The following WARS2 variants were observed in gnomAD, a reference collection of about 807,000 sequenced individuals.
WARS2 encodes the protein tryptophanyl tRNA synthetase 2, mitochondrial, also known as tryptophan--tRNA ligase, mitochondrial.
A neutral mutation model predicts 36.5 loss-of-function variants in WARS2; 28 were observed. The observed-to-expected ratio is 0.77, with a 90% CI of 0.57 to 1.05. The LOEUF is 1.05. Among genes scored for constraint, WARS2 ranks in the 50% least tolerant of loss-of-function variants. The pLI, the probability that WARS2 is intolerant of heterozygous loss-of-function variation, is 0.00. For missense variants in WARS2, 435 were observed against 456.8 expected (o/e 0.95, Z 0.44); for synonymous variants, 174 against 178.4 (o/e 0.98, Z 0.20).
rs137884076 is a variant in WARS2, at chr1:119,042,527, A to G, written c.430-178T>C. Among the ~76,000 whole-genome samples the G allele has an allele frequency of 3.5e-4, 53 of 152,222 alleles. No individual in the cohort carries two copies. In the East Asian group the frequency reaches 9.7e-3, roughly 28 times the overall value. Reference sequence around the variant, plus strand: ...GCCATCTTCTGGCTGGCTTGTCTTCATGCTCCAGGCTGAGGCAGGAATAAG... The same window carrying G: ...GCCATCTTCTGGCTGGCTTGTCTTCGTGCTCCAGGCTGAGGCAGGAATAAG... On this transcript the variant is annotated intron_variant, in intron 3 of 5. Coordinates refer to ENST00000235521, the MANE Select transcript of WARS2 (RefSeq NM_015836.4).
At chr1:119,125,349 C>T (rs1340252733) in intron 1 of WARS2, among the ~76,000 whole-genome samples, 2 of 152,186 alleles carry the variant, frequency 1.3e-5, no homozygotes, top group Non-Finnish European at 1.5e-5. Context: ...GTCCCCACCT[C>T]CTGATTCCTG....
intron 1 of WARS2, among the ~76,000 whole-genome samples, chr1:119,079,130 T>C (rs1651995480): frequency 6.6e-6 from 1 of 152,178 alleles, no homozygotes. Flanking sequence ...CACCATTTAT[T>C]GAAAAGACTG....
chr1:119,097,747 C>A (rs928014860), intron 1 of WARS2, among the ~76,000 whole-genome samples: 2 of 152,158 alleles, frequency 1.3e-5, no homozygotes, highest in East Asian at 1.9e-4. Context: ...ATCCCTAACA[C>A]CAACAGAGCG....
chr1:119,117,163 C>G (rs1032176818), intron 1 of WARS2, among the ~76,000 whole-genome samples: 1 of 152,116 alleles, frequency 6.6e-6, no homozygotes, highest in South Asian at 2.1e-4. Context: ...AGCTTTCCCC[C>G]ACTTGTCTGG....
chr1:119,047,243 A>G (rs1648932877), intron 2 of WARS2, among the ~76,000 whole-genome samples: 1 of 151,970 alleles, frequency 6.6e-6, no homozygotes, highest in Non-Finnish European at 1.5e-5. Context: ...AGAAGTAATA[A>G]AACAAGAGCT....
At chr1:119,061,690 A>C (rs1412174565) in intron 2 of WARS2, among the ~76,000 whole-genome samples, 1 of 152,084 alleles carries the variant, frequency 6.6e-6, no homozygotes. Context: ...CAGAAATGGT[A>C]GTAGAGAATC....
intron 2 of WARS2, among the ~76,000 whole-genome samples, chr1:119,059,675 T>C (rs1301424845): frequency 6.6e-6 from 1 of 152,224 alleles, no homozygotes; most frequent in Non-Finnish European, 1.5e-5. Flanking sequence ...GCCTTATACA[T>C]TTCAGATTCA....
chr1:119,139,862 T>C (rs768326144), intron 1 of WARS2: 2 of 152,132 alleles, frequency 1.3e-5, no homozygotes, highest in African/African-American at 2.4e-5. Flanking sequence ...TTTTTTGCTA[T>C]GAGGGTAAAA....
At chr1:119,127,087 C>G in intron 1 of WARS2, 1 of 752,744 alleles carries the variant, frequency 1.3e-6, no homozygotes, top group Non-Finnish European at 2.4e-6. Context: ...GTAAGACTCA[C>G]TTCAAGCACA....
At chr1:119,084,629 A>G (rs779243629) in intron 1 of WARS2, among the ~76,000 whole-genome samples, 6 of 152,214 alleles carry the variant, frequency 3.9e-5, no homozygotes, top group Non-Finnish European at 7.3e-5. Context: ...AGCTGTCCAA[A>G]CCGAGTAACT....
At chr1:119,081,298 A>G (rs12741640) in intron 1 of WARS2, among the ~76,000 whole-genome samples, 8,352 of 152,292 alleles carry the variant, frequency 0.055, 426 homozygotes, top group East Asian at 0.19. Flanking sequence ...TGTGATTAGG[A>G]GAGCTTCTGT....
intron 1 of WARS2, among the ~76,000 whole-genome samples, chr1:119,133,986 G>C (rs587652720): frequency 6.6e-6 from 1 of 151,980 alleles, no homozygotes; most frequent in South Asian, 2.1e-4. Context: ...TATTAAAATA[G>C]GATATTATTA....
chr1:119,085,959 A>T, intron 1 of WARS2: 1 of 1,609,812 alleles, frequency 6.2e-7, no homozygotes, highest in Non-Finnish European at 8.5e-7. Context: ...GTTCATCTCC[A>T]CGGGCCCAAA....
At chr1:119,034,281 GC>G in intron 4 of WARS2, 68 bp from the exon 5 acceptor site, 1 of 1,259,128 alleles carries the variant, frequency 7.9e-7, no homozygotes, top group Non-Finnish European at 1.2e-6. Flanking sequence ...GATATTGCAA[GC>G]AGCTGCATTT....
intron 1 of WARS2, among the ~76,000 whole-genome samples, chr1:119,115,593 A>AT (rs1446673299): frequency 6.6e-6 from 1 of 152,186 alleles, no homozygotes; most frequent in Non-Finnish European, 1.5e-5. Flanking sequence ...GCTAACCTTA[A>AT]TGGATGTGAA....
chr1:119,114,971 A>G (rs775124140), intron 1 of WARS2, among the ~76,000 whole-genome samples: 28 of 152,286 alleles, frequency 1.8e-4, no homozygotes, highest in Middle Eastern at 3.4e-3. Flanking sequence ...CACATTTTAA[A>G]ATAACAGAAT....
chr1:119,060,639 G>C (rs931739109), intron 2 of WARS2, among the ~76,000 whole-genome samples: 1 of 152,136 alleles, frequency 6.6e-6, no homozygotes, highest in Admixed American at 6.5e-5. Context: ...CGGCCTGAAG[G>C]CATTGGAGAA....
At chr1:119,069,685 G>A (rs1651144963) in intron 2 of WARS2, among the ~76,000 whole-genome samples, 1 of 152,130 alleles carries the variant, frequency 6.6e-6, no homozygotes, top group South Asian at 2.1e-4. Flanking sequence ...ATTTTTTAAG[G>A]GATTTCTAGC....
intron 1 of WARS2, among the ~76,000 whole-genome samples, chr1:119,110,257 A>T (rs1197380839): frequency 6.6e-6 from 1 of 152,042 alleles, no homozygotes; most frequent in Non-Finnish European, 1.5e-5. Context: ...TCCAAATTTC[A>T]GACCTATATC....
Sources: allele counts gnomAD v4.1 joint callset (sites outside exome capture counted in the v4.1 genomes callset), GRCh38; gene constraint gnomAD v4.1.1; transcripts MANE v1.5; gene names NCBI Gene and HGNC (gene_info 2026-07-23, HGNC 2026-07-21).